Variants in CLNK observed in about 807,000 individuals in gnomAD.
The protein encoded by CLNK is cytokine dependent hematopoietic cell linker.
A neutral mutation model predicts 68.6 loss-of-function variants in CLNK; 74 were observed. The ratio of observed to expected loss-of-function variants is 1.08; its 90% confidence interval spans 0.89 to 1.31. CLNK has a LOEUF of 1.31. Ranked by LOEUF, CLNK falls within the 50% of genes most tolerant of loss-of-function variation. The pLI is 0.00. For missense variants in CLNK, 553 were observed against 515.3 expected, an observed-to-expected ratio of 1.07 and a Z score of -0.71; for synonymous variants, 198 against 172.2, an observed-to-expected ratio of 1.15 and a Z score of -1.17.
chr4:10,637,636 C>T (rs1430098630), intron 2 of CLNK, among the ~76,000 whole-genome samples: 8 of 129,994 alleles, frequency 6.2e-5, no homozygotes, highest in East Asian at 2.3e-4. Context: ...ACTCTCTTGC[C>T]GAGGCTGGAG....
chr4:10,549,335 G>T (rs1003876499), intron 8 of CLNK, among the ~76,000 whole-genome samples: 2 of 152,136 alleles, frequency 1.3e-5, no homozygotes, highest in African/African-American at 2.4e-5. Context: ...CAGCTTTGAT[G>T]GTAATTCAGA....
the CLNK span, among the ~76,000 whole-genome samples, chr4:10,708,387 T>C: frequency 6.6e-6 from 1 of 152,216 alleles, no homozygotes; most frequent in African/African-American, 2.4e-5. Context: ...GAACACTATT[T>C]TTTTTTTCTA....
intron 2 of CLNK, among the ~76,000 whole-genome samples, chr4:10,656,323 T>C (rs1290566085): frequency 1.3e-5 from 1 of 74,952 alleles, no homozygotes; most frequent in Non-Finnish European, 2.7e-5. Context: ...AAACGACAAA[T>C]GCCTGACCAA....
the CLNK span, among the ~76,000 whole-genome samples, chr4:10,702,610 C>A: frequency 6.6e-6 from 1 of 152,296 alleles, no homozygotes; most frequent in South Asian, 2.1e-4. Context: ...TTGACTATTT[C>A]TCAGGAAAGA....
At chr4:10,542,501 A>G (rs76356518) in intron 8 of CLNK, among the ~76,000 whole-genome samples, 2,236 of 152,254 alleles carry the variant, frequency 0.015, 32 homozygotes, top group Middle Eastern at 0.027. Flanking sequence ...AGAAACTGAC[A>G]CACGGGGAAG....
rs1221646973 is a variant in CLNK at position 10,509,474 on chromosome 4, C to G, written c.907-1438G>C. Among the ~76,000 whole-genome samples the G allele has an allele frequency of 2.0e-5, 3 of 151,974 alleles. No individual in the cohort carries two copies. In the East Asian group the frequency reaches 5.8e-4, roughly 29 times the overall value. On this transcript the variant is annotated intron_variant, in intron 16 of 18. Coordinates refer to ENST00000226951, the MANE Select transcript of CLNK (RefSeq NM_052964.4). ...GAATCCCTCCTGGTCCTCACCTCTGCCTACCCAGCTCAGGCATTCTTTTGC... is the reference window on the plus strand; with the variant it reads ...GAATCCCTCCTGGTCCTCACCTCTGGCTACCCAGCTCAGGCATTCTTTTGC...
intron 3 of CLNK, among the ~76,000 whole-genome samples, chr4:10,589,224 A>G (rs1383715257): frequency 6.6e-6 from 1 of 152,228 alleles, no homozygotes; most frequent in Non-Finnish European, 1.5e-5. Context: ...GATTGCAACT[A>G]CAACTTAGAT....
At chr4:10,667,823 G>A (rs1178022909) in intron 2 of CLNK, 36 bp downstream of exon 2, 7 of 1,548,630 alleles carry the variant, frequency 4.5e-6, no homozygotes, top group Non-Finnish European at 6.1e-6. Context: ...ACCAAGAAAA[G>A]GGAACTGGGG....
At chr4:10,667,814 C>T (rs752142347) in intron 2 of CLNK, 45 bp downstream of exon 2, 1 of 1,542,450 alleles carries the variant, frequency 6.5e-7, no homozygotes, top group African/African-American at 1.4e-5. Flanking sequence ...CCTGTCCCCA[C>T]CAAGAAAAGG....
At chr4:10,522,673 A>G (rs1032674726) in intron 14 of CLNK, among the ~76,000 whole-genome samples, 2 of 152,190 alleles carry the variant, frequency 1.3e-5, no homozygotes, top group African/African-American at 2.4e-5. Flanking sequence ...GTTCTGGGGA[A>G]TAGACAATAA....
chr4:10,707,361 C>T, the CLNK span, among the ~76,000 whole-genome samples: 1 of 152,196 alleles, frequency 6.6e-6, no homozygotes, highest in African/African-American at 2.4e-5. Context: ...TAGACAAAGC[C>T]TAACTCTTTC....
intron 10 of CLNK, 142 bp downstream of exon 10, chr4:10,541,879 GT>G (rs11343328): frequency 0.072 from 38,850 of 539,222 alleles, 1,270 homozygotes; most frequent in African/African-American, 0.2. Context: ...TCTCATATTA[GT>G]TTTTTTTTTT....
the CLNK span, among the ~76,000 whole-genome samples, chr4:10,720,576 G>A: frequency 5.3e-5 from 8 of 150,646 alleles, no homozygotes; most frequent in African/African-American, 1.7e-4. Context: ...AAAAACCTCC[G>A]CAAAACGTGT....
At chr4:10,675,711 A>G (rs2108899490) in intron 1 of CLNK, among the ~76,000 whole-genome samples, 1 of 152,328 alleles carries the variant, frequency 6.6e-6, no homozygotes, top group African/African-American at 2.4e-5. Flanking sequence ...AAAGCTTAGG[A>G]AATGTCATTC....
intron 2 of CLNK, among the ~76,000 whole-genome samples, chr4:10,628,371 G>A (rs978601375): frequency 4.6e-5 from 7 of 151,590 alleles, no homozygotes; most frequent in East Asian, 3.9e-4. Context: ...TCAACTCAAG[G>A]CTACATTCAA....
intron 2 of CLNK, among the ~76,000 whole-genome samples, chr4:10,640,822 G>C (rs76666443): frequency 6.6e-6 from 1 of 152,182 alleles, no homozygotes; most frequent in African/African-American, 2.4e-5. Flanking sequence ...AAACAGCAAC[G>C]TGAAACCTAC....
chr4:10,726,947 C>T, the CLNK span, among the ~76,000 whole-genome samples: 6 of 152,116 alleles, frequency 3.9e-5, no homozygotes, highest in African/African-American at 1.4e-4. Flanking sequence ...TTCTTTAGGG[C>T]CAGATAGCAA....
At chr4:10,676,129 G>A (rs1045084782) in intron 1 of CLNK, among the ~76,000 whole-genome samples, 5 of 151,370 alleles carry the variant, frequency 3.3e-5, no homozygotes, top group South Asian at 2.1e-4. Flanking sequence ...TAAACATGTC[G>A]AAATCAAGAT....
At chr4:10,594,755 TATACATATAC>T (rs1240917955) in intron 3 of CLNK, among the ~76,000 whole-genome samples, 23 of 152,196 alleles carry the variant, frequency 1.5e-4, no homozygotes, top group Admixed American at 1.4e-3. Context: ...TAAATAAGAA[TATACATATAC>T]ATACATATAC....
Sources: gnomAD v4.1 joint callset for allele counts (sites outside exome capture counted in the v4.1 genomes callset) on GRCh38, gnomAD v4.1.1 for gene constraint, MANE v1.5 for transcripts, NCBI Gene and HGNC (gene_info 2026-07-23, HGNC 2026-07-21) for gene names.